The following MCTP2 variants were observed in gnomAD, a reference collection of about 807,000 sequenced individuals.
MCTP2 encodes multiple C2 and transmembrane domain-containing protein 2.
A neutral mutation model predicts 111.6 loss-of-function variants in MCTP2; 132 were observed. The observed-to-expected ratio is 1.18, with a 90% CI of 1.03 to 1.37. The LOEUF is 1.37. Ranked by LOEUF, MCTP2 falls within the 40% of genes most tolerant of loss-of-function variation. The pLI is 0.00. For missense variants in MCTP2, 1,183 were observed against 1,067.9 expected, an observed-to-expected ratio of 1.11 and a Z score of -1.50; for synonymous variants, 395 against 387.7, an observed-to-expected ratio of 1.02 and a Z score of -0.22.
chr15:94,399,268 T>C (rs2289009), intron 15 of MCTP2, among the ~76,000 whole-genome samples: 80,472 of 151,994 alleles, frequency 0.53, 23,869 homozygotes, highest in Middle Eastern at 0.71. Flanking sequence ...ATAGAGTATG[T>C]ATACTGGTAA....
rs757707483 is a variant in MCTP2 at position 94,483,861 on chromosome 15, G to C, written c.*4827G>C. ...ACCCCTGAACTTTAAAAAAAACTAT[G>C]TTCTATCAAAACCTGCCTCTCATTT... is the stretch of plus-strand genomic sequence containing the variant. On this transcript the variant is annotated 3_prime_UTR_variant, in exon 23 of 23. Transcript: ENST00000357742. 6.6e-6 allele frequency: 1 copy of C among 152,132 alleles called. No individual in the cohort carries two copies. Among genetic ancestry groups the C allele is most frequent in the Non-Finnish European group, 1.5e-5 (1 of 68,010 alleles). The allele number at this position is 152,132 out of a possible 1,614,324, so 9.4% of individuals were successfully genotyped here. A position where few individuals can be genotyped will look rare whatever the true frequency, so the allele number is the denominator to read the frequency against.
At chr15:94,456,382 CTTG>C (rs2084837821) in intron 19 of MCTP2, among the ~76,000 whole-genome samples, 1 of 152,166 alleles carries the variant, frequency 6.6e-6, no homozygotes, top group South Asian at 2.1e-4. Context: ...GACATGGAAA[CTTG>C]AGTCATTTTC....
intron 3 of MCTP2, chr15:94,314,951 G>T (rs1222655337): frequency 2.9e-6 from 1 of 347,716 alleles, no homozygotes. Context: ...GAGAGCACTG[G>T]ACAGAGACAA....
chr15:94,236,453 T>C (rs1187446799), intron 1 of MCTP2, among the ~76,000 whole-genome samples: 2 of 135,360 alleles, frequency 1.5e-5, no homozygotes, highest in Non-Finnish European at 1.5e-5. Flanking sequence ...AATGTACAGA[T>C]AGTGACATGG....
chr15:94,402,404 C>A, intron 17 of MCTP2: 1 of 1,514,630 alleles, frequency 6.6e-7, no homozygotes, highest in Non-Finnish European at 8.9e-7. Context: ...GTAAATTATT[C>A]CCAAACTTTG....
At chr15:94,263,542 CAT>C (rs936978577) in intron 1 of MCTP2, among the ~76,000 whole-genome samples, 15 of 152,336 alleles carry the variant, frequency 9.8e-5, no homozygotes, top group African/African-American at 2.9e-4. Context: ...TTATCTAAAA[CAT>C]GTGTCTTCTC....
At position 94,457,753 on chromosome 15, in the gene MCTP2, G is replaced by T. The variant is rs147644715; in HGVS notation, c.2251-384G>T. On this transcript the variant is annotated intron_variant, in intron 19 of 22. Transcript: ENST00000357742. ...GCCAGGAACATCTCTGAAGAACACT[G>T]ATAGGAGAGGAGTAGGGTGAGCTTC... Among the ~76,000 whole-genome samples, 781 of 152,328 alleles carry T rather than the reference G, an allele frequency of 5.1e-3. 7 individuals carry two copies. The highest frequency in any genetic ancestry group is 0.018 in the African/African-American group (734 of 41,560).
At chr15:94,362,274 T>G (rs12900422) in intron 10 of MCTP2, among the ~76,000 whole-genome samples, 20,782 of 152,200 alleles carry the variant, frequency 0.14, 1,687 homozygotes, top group African/African-American at 0.19. Context: ...TAGAGTAATA[T>G]AGATTATTCC....
At chr15:94,318,304 G>C (rs1168786881) in intron 4 of MCTP2, among the ~76,000 whole-genome samples, 1 of 133,978 alleles carries the variant, frequency 7.5e-6, no homozygotes, top group Non-Finnish European at 1.6e-5. Flanking sequence ...TTTTTTTTGA[G>C]ACGGAGTCTA....
At chr15:94,306,934 G>C (rs1248864645) in intron 2 of MCTP2, among the ~76,000 whole-genome samples, 1 of 152,178 alleles carries the variant, frequency 6.6e-6, no homozygotes, top group Non-Finnish European at 1.5e-5. Context: ...AATTAAACAA[G>C]TGCGTCAGTT....
intron 14 of MCTP2, among the ~76,000 whole-genome samples, chr15:94,398,120 T>C (rs1037133655): frequency 2.0e-5 from 3 of 152,204 alleles, no homozygotes; most frequent in East Asian, 3.8e-4. Flanking sequence ...ATGGAACTGA[T>C]GCAACATGCC....
chr15:94,376,204 G>C (rs982996675), intron 12 of MCTP2, among the ~76,000 whole-genome samples: 1 of 152,160 alleles, frequency 6.6e-6, no homozygotes, highest in African/African-American at 2.4e-5. Context: ...CTCTTGGTCT[G>C]TCCCCCACAC....
rs200680280 is a variant in MCTP2, at chr15:94,464,256, A to T, written c.2360+6010A>T. Among the ~76,000 whole-genome samples the T allele has an allele frequency of 1.5e-3, 65 of 43,940 alleles. 1 individual carries two copies. Among genetic ancestry groups the T allele is most frequent in the African/African-American group, 6.6e-3 (62 of 9,396 alleles). The allele number at this position is 43,940 out of a possible 152,430, so 28.8% of individuals were successfully genotyped here. A position where few individuals can be genotyped will look rare whatever the true frequency, so the allele number is the denominator to read the frequency against. ...ATATATATAATATATATATATATAT[A>T]TTATATATATATATATATATATAAA... On this transcript the variant is annotated intron_variant, in intron 20 of 22. Coordinates refer to ENST00000357742, the MANE Select transcript of MCTP2 (RefSeq NM_001385001.1).
rs1193819335 is a variant in MCTP2 at position 94,339,319 on chromosome 15, C to G, written c.667C>G (p.Leu223Val). The G allele has an allele frequency of 1.9e-6, 3 of 1,607,966 alleles. No individual in the cohort carries two copies. Among genetic ancestry groups the G allele is most frequent in the Non-Finnish European group, 2.5e-6 (3 of 1,177,170 alleles). Residue 223 changes from leucine to valine, a missense_variant, in exon 5 of 23, where the codon CTG becomes GTG. Leu to Val is a conservative substitution (Grantham distance 32). Coordinates refer to ENST00000357742, the MANE Select transcript of MCTP2 (RefSeq NM_001385001.1). Reference protein sequence around the residue: ...GTSDPYVKFKLNGKTLYKSKV... With the variant: ...GTSDPYVKFKVNGKTLYKSKV... ...AAGTGATCCTTATGTGAAATTTAAG[C>G]TGAATGGGAAGACGCTGTACAAAAG... is the stretch of plus-strand genomic sequence containing the variant.
intron 12 of MCTP2, among the ~76,000 whole-genome samples, chr15:94,382,793 C>T (rs1169410354): frequency 1.3e-5 from 2 of 152,270 alleles, no homozygotes; most frequent in African/African-American, 4.8e-5. Flanking sequence ...ATTTAGCAAG[C>T]GCTGCTTTGT....
At chr15:94,424,132 A>G (rs760917819) in intron 17 of MCTP2, among the ~76,000 whole-genome samples, 4 of 152,026 alleles carry the variant, frequency 2.6e-5, no homozygotes, top group Non-Finnish European at 5.9e-5. Flanking sequence ...TAGAAATCAT[A>G]AAAAAAATTT....
At chr15:94,424,107 G>T (rs2082758989) in intron 17 of MCTP2, among the ~76,000 whole-genome samples, 1 of 151,958 alleles carries the variant, frequency 6.6e-6, no homozygotes, top group Admixed American at 6.6e-5. Context: ...AATTTTGTCT[G>T]ATTTCTGAAG....
chr15:94,244,702 A>G (rs1248953290), intron 1 of MCTP2, among the ~76,000 whole-genome samples: 4 of 149,334 alleles, frequency 2.7e-5, no homozygotes, highest in South Asian at 2.1e-4. Flanking sequence ...ATGTATACAC[A>G]TACATATGCA....
chr15:94,414,506 A>G (rs2082291739), intron 17 of MCTP2, among the ~76,000 whole-genome samples: 1 of 152,188 alleles, frequency 6.6e-6, no homozygotes, highest in African/African-American at 2.4e-5. Flanking sequence ...GAAAATGTTT[A>G]TAATAAATGG....
Sources: allele counts gnomAD v4.1 joint callset (sites outside exome capture counted in the v4.1 genomes callset), GRCh38; gene constraint gnomAD v4.1.1; transcripts MANE v1.5; gene names NCBI Gene and HGNC (gene_info 2026-07-23, HGNC 2026-07-21).